Variants in KCNK2 observed in about 807,000 individuals in gnomAD.
KCNK2 encodes potassium two pore domain channel subfamily K member 2.
Under a neutral mutation model 40.5 loss-of-function variants are expected in KCNK2, and 21 were observed. The observed-to-expected ratio is 0.52, with a 90% CI of 0.37 to 0.75. KCNK2 has a LOEUF of 0.75. Among genes scored for constraint, KCNK2 ranks in the 30% least tolerant of loss-of-function variants. The probability of loss-of-function intolerance (pLI) is 0.00; values close to 1 mark genes in which losing one functional copy is unlikely to be tolerated. For missense variants in KCNK2, 399 were observed against 531.6 expected (o/e 0.75, Z 2.45); for synonymous variants, 191 against 202.2 (o/e 0.94, Z 0.47).
At chr1:215,087,037 G>C (rs917525991) in intron 2 of KCNK2, among the ~76,000 whole-genome samples, 1 of 152,202 alleles carries the variant, frequency 6.6e-6, no homozygotes, top group Non-Finnish European at 1.5e-5. Context: ...GGGTTACCAC[G>C]CTGAAGGTCC....
intron 5 of KCNK2, among the ~76,000 whole-genome samples, chr1:215,178,691 A>C (rs2102646274): frequency 6.6e-6 from 1 of 152,286 alleles, no homozygotes; most frequent in East Asian, 1.9e-4. Context: ...CCAACCTTGC[A>C]TTCTAGGAAT....
intron 2 of KCNK2, among the ~76,000 whole-genome samples, chr1:215,109,910 C>T (rs1205268967): frequency 6.6e-6 from 1 of 151,968 alleles, no homozygotes; most frequent in African/African-American, 2.4e-5. Context: ...TAATAATAGC[C>T]ATTCTAACTC....
upstream of KCNK2, among the ~76,000 whole-genome samples, chr1:215,079,560 A>G (rs1659075822): frequency 6.6e-6 from 1 of 152,238 alleles, no homozygotes; most frequent in Admixed American, 6.5e-5. Flanking sequence ...ACTCATTATC[A>G]GAACAGCAAG....
intron 3 of KCNK2, among the ~76,000 whole-genome samples, chr1:215,168,112 C>G (rs965033216): frequency 6.6e-6 from 1 of 152,002 alleles, no homozygotes; most frequent in Admixed American, 6.6e-5. Flanking sequence ...ATATGAAAAA[C>G]AGCTCAACAT....
At chr1:215,208,247 T>A (rs1665402325) in intron 6 of KCNK2, among the ~76,000 whole-genome samples, 1 of 152,090 alleles carries the variant, frequency 6.6e-6, no homozygotes, top group Non-Finnish European at 1.5e-5. Flanking sequence ...CTTAGCAAAC[T>A]AACGCAGGAA....
At chr1:215,176,682 G>A (rs375502224) in intron 5 of KCNK2, among the ~76,000 whole-genome samples, 11 of 152,066 alleles carry the variant, frequency 7.2e-5, no homozygotes, top group African/African-American at 2.7e-4. Flanking sequence ...TCCTTTTTAT[G>A]GCTTCATAGT....
At chr1:215,081,545 T>C (rs1239945307), upstream of KCNK2, among the ~76,000 whole-genome samples, 1 of 152,172 alleles carries the variant, frequency 6.6e-6, no homozygotes, top group African/African-American at 2.4e-5. Context: ...ATTGCATTTT[T>C]ATCATTGACG....
chr1:215,120,430 T>C (rs896140173), intron 2 of KCNK2, among the ~76,000 whole-genome samples: 1 of 152,202 alleles, frequency 6.6e-6, no homozygotes, highest in Non-Finnish European at 1.5e-5. Context: ...AACTGCTAAA[T>C]ATTTTTGAAT....
intron 1 of KCNK2, 21 bp downstream of exon 1, chr1:215,083,452 C>T (rs2102526596): frequency 1.5e-5 from 23 of 1,566,336 alleles, no homozygotes; most frequent in Non-Finnish European, 1.9e-5. Context: ...CCCTCCGGTA[C>T]CCCCACCCCT....
chr1:215,204,526 T>A (rs1490957139), intron 6 of KCNK2, among the ~76,000 whole-genome samples: 1 of 152,170 alleles, frequency 6.6e-6, no homozygotes, highest in East Asian at 1.9e-4. Context: ...TCTTTTTTGA[T>A]TATTTCGAGA....
At chr1:215,009,661 C>A (rs1454835115) in intron 1 of KCNK2, among the ~76,000 whole-genome samples, 1 of 151,956 alleles carries the variant, frequency 6.6e-6, no homozygotes, top group Non-Finnish European at 1.5e-5. Context: ...GATTCACCTG[C>A]TTCTCTAATG....
intron 6 of KCNK2, among the ~76,000 whole-genome samples, chr1:215,230,515 A>G (rs1372746295): frequency 1.5e-5 from 1 of 68,578 alleles, no homozygotes; most frequent in Non-Finnish European, 2.8e-5. Context: ...CTGTATATAT[A>G]TATATATATA....
intron 1 of KCNK2, among the ~76,000 whole-genome samples, chr1:215,059,902 A>G (rs1007137616): frequency 6.6e-6 from 1 of 152,194 alleles, no homozygotes; most frequent in Non-Finnish European, 1.5e-5. Flanking sequence ...GTTCTGTGGC[A>G]TCTGTTCCCT....
intron 1 of KCNK2, among the ~76,000 whole-genome samples, chr1:215,054,402 A>G (rs1205351818): frequency 1.3e-5 from 2 of 152,234 alleles, no homozygotes; most frequent in East Asian, 3.9e-4. Flanking sequence ...CTTTGTCTTC[A>G]GGACCATCCC....
chr1:215,104,415 A>G (rs951242848), intron 2 of KCNK2, among the ~76,000 whole-genome samples: 5 of 151,946 alleles, frequency 3.3e-5, no homozygotes, highest in Admixed American at 2.6e-4. Flanking sequence ...TCGGTAACCC[A>G]TATGTCTTCT....
intron 1 of KCNK2, among the ~76,000 whole-genome samples, chr1:215,016,851 ATAAGGGGT>A (rs1656606081): frequency 6.6e-6 from 1 of 152,278 alleles, no homozygotes; most frequent in South Asian, 2.1e-4. Context: ...CCATTCACTA[ATAAGGGGT>A]TAATATCCAA....
intron 6 of KCNK2, among the ~76,000 whole-genome samples, chr1:215,208,868 A>T (rs1571730160): frequency 6.6e-6 from 1 of 151,752 alleles, no homozygotes; most frequent in Non-Finnish European, 1.5e-5. Flanking sequence ...CGTTCTGTGG[A>T]CCAGGCTGGA....
At chr1:215,048,643 A>G (rs551658052) in intron 1 of KCNK2, among the ~76,000 whole-genome samples, 4 of 152,324 alleles carry the variant, frequency 2.6e-5, no homozygotes, top group Admixed American at 1.3e-4. Context: ...TTTTTCCCCA[A>G]TAATATCCAG....
At chr1:215,183,996 G>C (rs1304141210) in intron 5 of KCNK2, among the ~76,000 whole-genome samples, 2 of 152,094 alleles carry the variant, frequency 1.3e-5, no homozygotes. Flanking sequence ...CTTTGCTTTT[G>C]GTCAAAAATA....
Sources: allele counts gnomAD v4.1 joint callset (sites outside exome capture counted in the v4.1 genomes callset), GRCh38; gene constraint gnomAD v4.1.1; transcripts MANE v1.5; gene names NCBI Gene and HGNC (gene_info 2026-07-23, HGNC 2026-07-21).